The following SPATA18 variants were observed in gnomAD, a reference collection of about 807,000 sequenced individuals.
SPATA18 encodes mitochondria-eating protein.
Under a neutral mutation model 68.1 loss-of-function variants are expected in SPATA18, and 54 were observed. That is an observed-to-expected ratio of 0.79 (90% CI 0.64 to 0.99). The LOEUF (loss-of-function observed/expected upper bound fraction) is 0.99, where lower values mean the gene tolerates loss of function less well. Among genes scored for constraint, SPATA18 ranks in the 50% least tolerant of loss-of-function variants. SPATA18 has a pLI of 0.00. For synonymous variants in SPATA18, 242 were observed against 244.8 expected (o/e 0.99, Z 0.11); for missense variants, 724 against 681.1 (o/e 1.06, Z -0.70).
At chr4:52,090,993 TA>T (rs1287003019) in intron 11 of SPATA18, among the ~76,000 whole-genome samples, 24 of 152,178 alleles carry the variant, frequency 1.6e-4, no homozygotes, top group African/African-American at 5.1e-4. Context: ...TGTTCCTTTT[TA>T]TTCTTTTTTC....
At chr4:52,077,641 G>A (rs1246160550) in intron 7 of SPATA18, among the ~76,000 whole-genome samples, 1 of 152,074 alleles carries the variant, frequency 6.6e-6, no homozygotes, top group Non-Finnish European at 1.5e-5. Flanking sequence ...TCTAATATGA[G>A]CATATGCACA....
At chr4:52,065,453 G>C (rs1014433294) in intron 4 of SPATA18, among the ~76,000 whole-genome samples, 2 of 152,096 alleles carry the variant, frequency 1.3e-5, no homozygotes, top group Admixed American at 1.3e-4. Context: ...GATCCATCTT[G>C]AGTTGATTTT....
At position 52,051,712 on chromosome 4, in the gene SPATA18, A is replaced by G; in HGVS notation, c.8A>G (p.Glu3Gly). The change falls in exon 1 of 13, where the codon GAA becomes GGA. Residue 3 changes from glutamate (E) to glycine (G), a missense_variant. Physicochemically the swap from Glu to Gly is moderately conservative, Grantham distance 98. Transcript: ENST00000295213. ...CGAGAGGAATAGTGAGCGATGGCGG[A>G]AAACCTGAAAAGACTGGTCTCAAAC... MA[E>G]NLKRLVSNET... The G allele has an allele frequency of 6.2e-7, 1 of 1,614,218 alleles. No individual in the cohort carries two copies. Among genetic ancestry groups the G allele is most frequent in the Non-Finnish European group, 8.5e-7 (1 of 1,180,022 alleles).
At chr4:52,059,275 T>C (rs183175578) in intron 1 of SPATA18, among the ~76,000 whole-genome samples, 40 of 152,352 alleles carry the variant, frequency 2.6e-4, no homozygotes, top group African/African-American at 7.7e-4. Flanking sequence ...TTTTCTGTTC[T>C]GGGATTTGTT....
intron 7 of SPATA18, among the ~76,000 whole-genome samples, chr4:52,077,881 T>C (rs1740534349): frequency 6.6e-6 from 1 of 152,276 alleles, no homozygotes; most frequent in African/African-American, 2.4e-5. Context: ...ACTAAGATAC[T>C]GAGAGTTCAT....
At chr4:52,075,067 A>G (rs985657034) in intron 6 of SPATA18, among the ~76,000 whole-genome samples, 9 of 152,062 alleles carry the variant, frequency 5.9e-5, no homozygotes, top group Admixed American at 1.3e-4. Context: ...CTTGTCAGGT[A>G]TGTTGGTGAG....
At chr4:52,084,827 T>C (rs752901080) in intron 10 of SPATA18, 89 bp from the exon 11 acceptor site, 122 of 1,279,696 alleles carry the variant, frequency 9.5e-5, no homozygotes, top group Non-Finnish European at 1.3e-4. Context: ...AGTAAAACTC[T>C]TATTCTGTGG....
chr4:52,082,544 A>C, intron 10 of SPATA18, 34 bp downstream of exon 10: 1 of 1,613,804 alleles, frequency 6.2e-7, no homozygotes, highest in Non-Finnish European at 8.5e-7. Context: ...AATTCATCCC[A>C]AGTGTTTGAT....
intron 4 of SPATA18, 67 bp downstream of exon 4, chr4:52,062,399 G>A (rs897146752): frequency 2.3e-5 from 26 of 1,134,756 alleles, no homozygotes; most frequent in South Asian, 2.7e-5. Context: ...TTTTAAATTC[G>A]AAAGGAGAAT....
At chr4:52,060,591 G>A (rs1223230814) in intron 2 of SPATA18, 67 bp downstream of exon 2, 1 of 1,488,460 alleles carries the variant, frequency 6.7e-7, no homozygotes, top group Non-Finnish European at 9.3e-7. Flanking sequence ...GTGCTTTTTT[G>A]TGTTCTTTGA....
chr4:52,079,830 G>C lies in SPATA18; in HGVS notation c.1266G>C (p.Glu422Asp). Residue 422 changes from glutamate to aspartate, a missense_variant, in exon 9 of 13, where the codon GAG becomes GAC. Physicochemically the swap from Glu to Asp is conservative, Grantham distance 45 (BLOSUM62 2). Transcript: ENST00000295213. ...DFCLLSDFIQ[E>D]ICCIAFAMQA... ...GCCTTCTCAGTGACTTCATCCAGGA[G>C]ATATGTTGCATTGCCTTTGCAATGC... The C allele has an allele frequency of 6.2e-7, 1 of 1,614,092 alleles. No individual in the cohort carries two copies. Among genetic ancestry groups the C allele is most frequent in the Non-Finnish European group, 8.5e-7 (1 of 1,179,972 alleles).
At chr4:52,063,384 A>T (rs529792524) in intron 4 of SPATA18, among the ~76,000 whole-genome samples, 1 of 152,314 alleles carries the variant, frequency 6.6e-6, no homozygotes, top group Non-Finnish European at 1.5e-5. Context: ...TTTACTCCAG[A>T]CATTTTTCTT....
intron 1 of SPATA18, among the ~76,000 whole-genome samples, chr4:52,058,343 G>T (rs1170334257): frequency 6.6e-6 from 1 of 152,000 alleles, no homozygotes; most frequent in East Asian, 1.9e-4. Flanking sequence ...AAAAATGGCT[G>T]CAGGAGAAAT....
At chr4:52,051,899 C>G in intron 1 of SPATA18, 108 bp downstream of exon 1, 1 of 1,016,552 alleles carries the variant, frequency 9.8e-7, no homozygotes, top group East Asian at 2.4e-5. Flanking sequence ...GCAAAGCCTC[C>G]GCGGTTGCGA....
At chr4:52,079,152 A>G (rs1283274404) in intron 8 of SPATA18, among the ~76,000 whole-genome samples, 2 of 152,320 alleles carry the variant, frequency 1.3e-5, no homozygotes, top group East Asian at 3.9e-4. Flanking sequence ...AGTTCTTAAG[A>G]GCAAGGATTT....
intron 1 of SPATA18, among the ~76,000 whole-genome samples, chr4:52,054,607 A>T (rs1482858798): frequency 6.6e-6 from 1 of 152,114 alleles, no homozygotes; most frequent in Non-Finnish European, 1.5e-5. Flanking sequence ...TAAATGTATT[A>T]CAATTAGGCC....
chr4:52,080,698 A>G (rs1740844079), intron 9 of SPATA18, among the ~76,000 whole-genome samples: 3 of 151,972 alleles, frequency 2.0e-5, no homozygotes, highest in Admixed American at 6.6e-5. Flanking sequence ...TAATTTTTCT[A>G]TTTCTTAGTT....
intron 10 of SPATA18, 99 bp from the exon 11 acceptor site, chr4:52,084,817 A>T: frequency 1.7e-6 from 2 of 1,170,650 alleles, no homozygotes; most frequent in Non-Finnish European, 2.5e-6. Flanking sequence ...TAATCACATA[A>T]GTAAAACTCT....
rs759306209 is a variant in SPATA18 at position 52,078,905 on chromosome 4, G to A, written c.1179+12G>A. On this transcript the variant is annotated intron_variant, in intron 8 of 12. Coordinates refer to ENST00000295213, the MANE Select transcript of SPATA18 (RefSeq NM_145263.4). ...AAAGCAGTGTCAATGTAAGTGTTGA[G>A]TCTTTTATTAGGACTGGTTTGCTGC... 2 of 1,564,132 alleles carry A rather than the reference G, an allele frequency of 1.3e-6. No individual in the cohort carries two copies. Among genetic ancestry groups the A allele is most frequent in the African/African-American group, 1.3e-5 (1 of 74,350 alleles).
Sources: gnomAD v4.1 joint callset for allele counts (sites outside exome capture counted in the v4.1 genomes callset) on GRCh38, gnomAD v4.1.1 for gene constraint, MANE v1.5 for transcripts, NCBI Gene and HGNC (gene_info 2026-07-23, HGNC 2026-07-21) for gene names.